The following NMT1 variants were observed in gnomAD, a reference collection of about 807,000 sequenced individuals.
NMT1 encodes glycylpeptide N-tetradecanoyltransferase 1.
In NMT1, 12 loss-of-function variants were observed where a neutral mutation model predicts 63.4. The ratio of observed to expected loss-of-function variants is 0.19; its 90% CI spans 0.12 to 0.31. The LOEUF (loss-of-function observed/expected upper bound fraction) is 0.31. Ranked by LOEUF, NMT1 falls within the 10% of genes least tolerant of loss-of-function variation. NMT1 has a pLI of 1.00. For synonymous variants in NMT1, 228 were observed against 234.3 expected, an observed-to-expected ratio of 0.97 and a Z score of 0.25; for missense variants, 432 against 634.6, an observed-to-expected ratio of 0.68 and a Z score of 3.43.
chr17:45,086,255 G>T (rs1567866983), intron 2 of NMT1, among the ~76,000 whole-genome samples: 1 of 150,820 alleles, frequency 6.6e-6, no homozygotes. Flanking sequence ...TCCCAAAATA[G>T]CTAGGATTAC....
At chr17:45,080,465 CTTTT>C (rs35346554) in intron 1 of NMT1, among the ~76,000 whole-genome samples, 10 of 70,182 alleles carry the variant, frequency 1.4e-4, no homozygotes, top group Admixed American at 3.2e-4. Flanking sequence ...CAGCCTTTTC[CTTTT>C]TTTTTTTTTT....
chr17:45,076,451 GAAA>G (rs1405974078), intron 1 of NMT1, among the ~76,000 whole-genome samples: 1 of 128,704 alleles, frequency 7.8e-6, no homozygotes, highest in African/African-American at 2.9e-5. Context: ...ACTCATTAAA[GAAA>G]AAAAAAAAAA....
chr17:45,064,886 T>G (rs1232758998), intron 1 of NMT1, among the ~76,000 whole-genome samples: 1 of 152,124 alleles, frequency 6.6e-6, no homozygotes, highest in African/African-American at 2.4e-5. Context: ...GAAAGGTACT[T>G]AACTCAGAGT....
At chr17:45,096,500 G>A (rs1018873648) in intron 5 of NMT1, among the ~76,000 whole-genome samples, 4 of 152,214 alleles carry the variant, frequency 2.6e-5, no homozygotes, top group Non-Finnish European at 4.4e-5. Flanking sequence ...GGAGACCTTC[G>A]TAGAGCTAGT....
intron 1 of NMT1, among the ~76,000 whole-genome samples, chr17:45,073,375 G>A (rs993011356): frequency 6.6e-6 from 1 of 151,574 alleles, no homozygotes; most frequent in African/African-American, 2.4e-5. Context: ...CCAAGATCAC[G>A]CCACTGCACT....
At chr17:45,102,844 C>T (rs1251440776) in intron 8 of NMT1, 107 bp from the exon 9 acceptor site, 10 of 1,041,862 alleles carry the variant, frequency 9.6e-6, no homozygotes, top group South Asian at 3.6e-5. Flanking sequence ...GTGCAGGGAG[C>T]CGCCGAATGA....
At chr17:45,077,881 G>A (rs1303151906) in intron 1 of NMT1, among the ~76,000 whole-genome samples, 1 of 152,154 alleles carries the variant, frequency 6.6e-6, no homozygotes, top group Non-Finnish European at 1.5e-5. Context: ...TGTTTGCCAT[G>A]GCCTTGGGGG....
In NMT1 at chr17:45,101,329, C is replaced by A. The variant is rs115904545; in HGVS notation, c.994-1622C>A. ...CACTGTGCCCATCCCAGTAGGGATT[C>A]TTAAAATCCCTTCTCAGGTGGGCGG... On this transcript the variant is annotated intron_variant, in intron 8 of 11. Transcript: ENST00000258960. Among the ~76,000 whole-genome samples, 165 of 147,946 alleles carry A rather than the reference C, an allele frequency of 1.1e-3. 1 individual carries two copies. Among genetic ancestry groups the A allele is most frequent in the African/African-American group, 4.0e-3 (160 of 40,504 alleles).
chr17:45,087,804 G>C (rs944498853), intron 3 of NMT1, among the ~76,000 whole-genome samples: 2 of 152,200 alleles, frequency 1.3e-5, no homozygotes, highest in Non-Finnish European at 2.9e-5. Flanking sequence ...GGCAGGGCCA[G>C]ACAGGGTAGG....
chr17:45,092,275 C>G (rs1282998482), intron 3 of NMT1, among the ~76,000 whole-genome samples: 1 of 152,154 alleles, frequency 6.6e-6, no homozygotes, highest in East Asian at 1.9e-4. Context: ...CACTGAGTCA[C>G]TGGTGCACGG....
rs777621617 is a variant in NMT1 at position 45,098,392 on chromosome 17, A to G, written c.724A>G (p.Met242Val). The G allele has an allele frequency of 3.7e-6, 6 of 1,613,862 alleles. No individual in the cohort carries two copies. The Admixed American group carries it at 1.0e-4, about 27-fold the overall frequency. The change falls in exon 7 of 12, where the codon ATG becomes GTG. Residue 242 changes from methionine to valine, a missense_variant. Coordinates refer to ENST00000258960, the MANE Select transcript of NMT1 (RefSeq NM_021079.5). Reference sequence around the variant, plus strand: ...TTTTCCCCCTCTTAGAGAGAAGAAGATGGTAGAGATCAACTTCCTGTGTGT... The same window carrying G: ...TTTTCCCCCTCTTAGAGAGAAGAAGGTGGTAGAGATCAACTTCCTGTGTGT... ...NIHIYDTEKK[M>V]VEINFLCVHK...
rs1391284036 is a variant in NMT1, at chr17:45,086,620, A to G, written c.353A>G (p.Gln118Arg). The G allele has an allele frequency of 1.9e-6, 3 of 1,613,252 alleles. No individual in the cohort carries two copies. Among genetic ancestry groups the G allele is most frequent in the African/African-American group, 2.7e-5 (2 of 74,870 alleles). Residue 118 changes from glutamine (Q) to arginine (R), a missense_variant, in exon 3 of 12, where the codon CAG becomes CGG. Gln to Arg is a conservative substitution (Grantham distance 43). Coordinates refer to ENST00000258960, the MANE Select transcript of NMT1 (RefSeq NM_021079.5). ...TMEEASKRSYQFWDTQPVPKL... is the reference protein window; with the variant it reads ...TMEEASKRSYRFWDTQPVPKL... Reference sequence around the variant, plus strand: ...GAGGAGGCTAGCAAGCGAAGCTACCAGTTCTGGGATACGCAGCCCGTCCCC... The same window carrying G: ...GAGGAGGCTAGCAAGCGAAGCTACCGGTTCTGGGATACGCAGCCCGTCCCC...
intron 2 of NMT1, among the ~76,000 whole-genome samples, chr17:45,085,604 CTA>C (rs1432171958): frequency 3.3e-5 from 5 of 152,056 alleles, no homozygotes; most frequent in Non-Finnish European, 1.5e-5. Context: ...TGTTTACTTT[CTA>C]TGTGTCTTAC....
rs531610652 is a variant in NMT1, at chr17:45,097,294, G to C, written c.713+50G>C. ...CCCCCACAACACCGCCATCCTGCTT[G>C]GTCTGGGAGAGAGTAGAAAAAGGCT... is the stretch of plus-strand genomic sequence containing the variant. On this transcript the variant is annotated intron_variant, in intron 6 of 11. Coordinates refer to ENST00000258960, the MANE Select transcript of NMT1 (RefSeq NM_021079.5). 3.6e-6 allele frequency: 5 copies of C among 1,377,588 alleles called. No individual in the cohort carries two copies. In the South Asian group the frequency reaches 4.6e-5, roughly 13 times the overall value. 85.3% of individuals were successfully genotyped at this position (1,377,588 alleles called of 1,614,324 possible).
intron 1 of NMT1, among the ~76,000 whole-genome samples, chr17:45,078,975 GA>G (rs1384122190): frequency 6.6e-6 from 1 of 152,016 alleles, no homozygotes; most frequent in Non-Finnish European, 1.5e-5. Flanking sequence ...TCAATTATTT[GA>G]AAATTGATTG....
intron 8 of NMT1, among the ~76,000 whole-genome samples, chr17:45,100,844 C>G: frequency 2.0e-5 from 2 of 99,826 alleles, no homozygotes. Flanking sequence ...ACCTAGGCAA[C>G]AGAGCAAGAC....
rs565377749 is a variant in NMT1 at position 45,091,940 on chromosome 17, G to C, written c.386-1745G>C. Among the ~76,000 whole-genome samples, 16 of 152,240 alleles carry C rather than the reference G, an allele frequency of 1.1e-4. No individual in the cohort carries two copies. In the South Asian group the frequency reaches 2.3e-3, roughly 22 times the overall value. ...AGAGGCTGAGATGGGAGGATCGTTT[G>C]GGCCTAGGAGGTCGAGGCTGTAGTG... On this transcript the variant is annotated intron_variant, in intron 3 of 11. Coordinates refer to ENST00000258960, the MANE Select transcript of NMT1 (RefSeq NM_021079.5).
intron 3 of NMT1, among the ~76,000 whole-genome samples, chr17:45,090,209 T>G (rs1379651384): frequency 6.6e-6 from 1 of 152,192 alleles, no homozygotes; most frequent in East Asian, 2.0e-4. Flanking sequence ...GTTTGAGTCC[T>G]GGAGGTCGAG....
At chr17:45,076,287 T>A (rs940529725) in intron 1 of NMT1, among the ~76,000 whole-genome samples, 2 of 152,086 alleles carry the variant, frequency 1.3e-5, no homozygotes, top group Non-Finnish European at 2.9e-5. Flanking sequence ...AAAATTATTA[T>A]AATTACCATG....
Sources: allele counts gnomAD v4.1 joint callset (sites outside exome capture counted in the v4.1 genomes callset), GRCh38; gene constraint gnomAD v4.1.1; transcripts MANE v1.5; gene names NCBI Gene and HGNC (gene_info 2026-07-23, HGNC 2026-07-21).